SEMA6A: variants seen among roughly 807,000 people sequenced by gnomAD.
SEMA6A encodes semaphorin-6A.
A neutral mutation model predicts 96.8 loss-of-function variants in SEMA6A; 25 were observed. That is an observed-to-expected ratio of 0.26 (90% CI 0.19 to 0.36). The LOEUF (loss-of-function observed/expected upper bound fraction) is 0.36. SEMA6A is among the 10% of genes least tolerant of loss of function. The pLI, the probability that SEMA6A is intolerant of heterozygous loss-of-function variation, is 1.00. For synonymous variants in SEMA6A, 612 were observed against 518.0 expected, an observed-to-expected ratio of 1.18 and a Z score of -2.46; for missense variants, 1,363 against 1,323.1, an observed-to-expected ratio of 1.03 and a Z score of -0.47.
chr5:116,545,571 A>T (rs2112872673), intron 1 of SEMA6A, among the ~76,000 whole-genome samples: 1 of 150,556 alleles, frequency 6.6e-6, no homozygotes, highest in South Asian at 2.1e-4. Flanking sequence ...ACTTCATCTT[A>T]AAAAAAAAAT....
intron 3 of SEMA6A, among the ~76,000 whole-genome samples, chr5:116,499,873 T>C (rs1238061607): frequency 1.3e-5 from 2 of 152,244 alleles, no homozygotes; most frequent in Admixed American, 6.5e-5. Context: ...CTAACACTCA[T>C]GTAGCCCTGG....
intron 13 of SEMA6A, 110 bp from the exon 14 acceptor site, chr5:116,478,264 G>T: frequency 3.0e-6 from 4 of 1,324,242 alleles, no homozygotes; most frequent in Non-Finnish European, 4.1e-6. Context: ...TCTAACTGGC[G>T]GTGAAACAAA....
intron 3 of SEMA6A, among the ~76,000 whole-genome samples, chr5:116,499,437 C>A (rs1193262870): frequency 6.7e-5 from 3 of 45,100 alleles, no homozygotes; most frequent in Admixed American, 2.8e-4. Context: ...GGGTGGGGTG[C>A]GGGGAGGGAT....
chr5:116,519,235 C>A (rs1171579943), intron 1 of SEMA6A, among the ~76,000 whole-genome samples: 1 of 152,182 alleles, frequency 6.6e-6, no homozygotes, highest in Non-Finnish European at 1.5e-5. Context: ...GGCACCTCCT[C>A]CATTCTCACA....
At chr5:116,525,426 C>T (rs562929830) in intron 1 of SEMA6A, among the ~76,000 whole-genome samples, 3 of 152,298 alleles carry the variant, frequency 2.0e-5, no homozygotes, top group African/African-American at 7.2e-5. Context: ...TCTCAGTCTC[C>T]TGTATCCTTT....
intron 6 of SEMA6A, among the ~76,000 whole-genome samples, chr5:116,495,029 C>A (rs1757518933): frequency 6.6e-6 from 1 of 152,126 alleles, no homozygotes; most frequent in Non-Finnish European, 1.5e-5. Flanking sequence ...TTTTGAGATA[C>A]CTTTTAGAAT....
At chr5:116,463,660 AT>A (rs1172008831) in intron 18 of SEMA6A, among the ~76,000 whole-genome samples, 1 of 152,184 alleles carries the variant, frequency 6.6e-6, no homozygotes, top group Non-Finnish European at 1.5e-5. Context: ...TCTGGACTAA[AT>A]GTAATAATGT....
At chr5:116,558,109 TCA>T in intron 1 of SEMA6A, among the ~76,000 whole-genome samples, 1 of 152,206 alleles carries the variant, frequency 6.6e-6, no homozygotes, top group East Asian at 1.9e-4. Context: ...TTCTAGATAT[TCA>T]GTTTGTTAAA....
At chr5:116,489,441 A>G (rs1239437506) in intron 7 of SEMA6A, among the ~76,000 whole-genome samples, 1 of 152,172 alleles carries the variant, frequency 6.6e-6, no homozygotes, top group Non-Finnish European at 1.5e-5. Context: ...AGGCACATGC[A>G]TAAGTAAAGA....
At chr5:116,520,838 C>T (rs1660706268) in intron 1 of SEMA6A, among the ~76,000 whole-genome samples, 1 of 152,168 alleles carries the variant, frequency 6.6e-6, no homozygotes, top group African/African-American at 2.4e-5. Flanking sequence ...TTCTTGGATC[C>T]TCTGACAAGT....
intron 1 of SEMA6A, among the ~76,000 whole-genome samples, chr5:116,519,123 A>G (rs1758807255): frequency 6.6e-6 from 1 of 152,184 alleles, no homozygotes; most frequent in Non-Finnish European, 1.5e-5. Flanking sequence ...TGTCGTCCAG[A>G]ATCCTCAATG....
At chr5:116,476,538 A>T (rs1398769492) in intron 15 of SEMA6A, among the ~76,000 whole-genome samples, 1 of 152,240 alleles carries the variant, frequency 6.6e-6, no homozygotes, top group Non-Finnish European at 1.5e-5. Flanking sequence ...AATATTCATC[A>T]TGCCCTGGAG....
chr5:116,531,249 T>A (rs1323278786), intron 1 of SEMA6A, among the ~76,000 whole-genome samples: 1 of 152,114 alleles, frequency 6.6e-6, no homozygotes, highest in Non-Finnish European at 1.5e-5. Context: ...AATAAAGTTT[T>A]TTTAAAAAAT....
chr5:116,564,200 A>T (rs1381322714), intron 1 of SEMA6A, among the ~76,000 whole-genome samples: 2 of 152,228 alleles, frequency 1.3e-5, no homozygotes, highest in Non-Finnish European at 2.9e-5. Context: ...GGCAGGCTGG[A>T]TCTGGAGAAA....
At chr5:116,475,502 C>G (rs774542533) in intron 16 of SEMA6A, 43 bp downstream of exon 16, 1 of 1,393,718 alleles carries the variant, frequency 7.2e-7, no homozygotes, top group Non-Finnish European at 1.0e-6. Flanking sequence ...TCACTGAAAG[C>G]ATCTTTGCCC....
chr5:116,476,065 C>T (rs371688066), intron 15 of SEMA6A, among the ~76,000 whole-genome samples: 4 of 152,074 alleles, frequency 2.6e-5, no homozygotes, highest in African/African-American at 4.8e-5. Context: ...AAAACTTGGA[C>T]GATAAAGTGT....
At chr5:116,541,921 G>C (rs76674444) in intron 1 of SEMA6A, among the ~76,000 whole-genome samples, 2,229 of 152,286 alleles carry the variant, frequency 0.015, 50 homozygotes, top group African/African-American at 0.051. Context: ...GAAAAAGAAC[G>C]TAAGTTCTTT....
At chr5:116,463,520 T>C (rs1419714398) in intron 18 of SEMA6A, among the ~76,000 whole-genome samples, 2 of 152,360 alleles carry the variant, frequency 1.3e-5, no homozygotes, top group East Asian at 3.9e-4. Flanking sequence ...AAAAACTGCT[T>C]ATACAAATAG....
intron 1 of SEMA6A, 114 bp from the exon 2 acceptor site, chr5:116,505,096 C>T: frequency 3.5e-6 from 2 of 573,874 alleles, no homozygotes; most frequent in Non-Finnish European, 6.2e-6. Context: ...TTTACATCTT[C>T]TACATGGTAA....
Sources: allele counts gnomAD v4.1 joint callset (sites outside exome capture counted in the v4.1 genomes callset), GRCh38; gene constraint gnomAD v4.1.1; transcripts MANE v1.5; gene names NCBI Gene and HGNC (gene_info 2026-07-23, HGNC 2026-07-21).